SDK2: variants seen among roughly 807,000 people sequenced by gnomAD.
SDK2 encodes the protein sidekick cell adhesion molecule 2.
In SDK2, 105 loss-of-function variants were observed where a neutral mutation model predicts 253.9. The observed-to-expected ratio is 0.41, with a 90% CI of 0.35 to 0.49. The LOEUF (loss-of-function observed/expected upper bound fraction) is 0.49. Ranked by LOEUF, SDK2 falls within the 20% of genes least tolerant of loss-of-function variation. The probability of loss-of-function intolerance (pLI) is 0.06; values close to 1 mark genes in which losing one functional copy is unlikely to be tolerated. For synonymous variants in SDK2, 1,249 were observed against 1,234.9 expected (o/e 1.01, Z -0.24); for missense variants, 2,608 against 3,003.0 (o/e 0.87, Z 3.07).
rs533060815 is a variant in SDK2 at position 73,357,559 on chromosome 17, G to A, written c.5593+520C>T. 22 of 245,932 alleles carry A rather than the reference G, an allele frequency of 8.9e-5. 1 individual carries two copies. The South Asian group carries it at 9.0e-4, about 10-fold the overall frequency. The allele number at this position is 245,932 out of a possible 1,614,324, so 15.2% of individuals were successfully genotyped here. A position where few individuals can be genotyped will look rare whatever the true frequency, so the allele number is the denominator to read the frequency against. On this transcript the variant is annotated intron_variant, in intron 40 of 44. Coordinates refer to ENST00000392650, the MANE Select transcript of SDK2 (RefSeq NM_001144952.2). Reference sequence around the variant, plus strand: ...GGGTGTCAGGATGGGTGAAACCGGAGCAGTGGGGAGCAGCCCCCCGACTGA... The same window carrying A: ...GGGTGTCAGGATGGGTGAAACCGGAACAGTGGGGAGCAGCCCCCCGACTGA...
At chr17:73,561,276 C>T (rs1045388127) in intron 1 of SDK2, among the ~76,000 whole-genome samples, 1 of 152,216 alleles carries the variant, frequency 6.6e-6, no homozygotes, top group Admixed American at 6.5e-5. Flanking sequence ...ACCACCCACC[C>T]CACCTGCGGT....
chr17:73,494,159 T>C (rs2063825834), intron 2 of SDK2, among the ~76,000 whole-genome samples: 1 of 152,222 alleles, frequency 6.6e-6, no homozygotes, highest in African/African-American at 2.4e-5. Flanking sequence ...CACGCCAGGA[T>C]GCTGAGGAGC....
In SDK2 at chr17:73,361,752, C is replaced by T. The variant is rs993067545; in HGVS notation, c.5399G>A (p.Arg1800His). ...DLAEGVTYRF[R>H]IRAKTFTYGP... The stretch of plus-strand genomic sequence containing the variant: ...GTAGGTGAAGGTCTTGGCTCTGATG[C>T]GGAACCTGTAGGTCACCCCCTCCGC... Residue 1800 changes from arginine (R) to histidine (H), a missense_variant, in exon 39 of 45, where the codon CGC (arginine) becomes CAC (histidine). Around this residue, in one of 2 missense-constraint regions of SDK2, gnomAD observed 1,103 missense variants for 1,143.9 expected, o/e 0.96. Transcript: ENST00000392650. This position sits in a 1 kb window ranked among gnomAD's most constrained non-coding sequence, Gnocchi z 4.1. The T allele has an allele frequency of 4.3e-6, 7 of 1,613,518 alleles. No homozygotes were observed. The highest frequency in any genetic ancestry group is 1.6e-4 in the Middle Eastern group (1 of 6,080).
intron 4 of SDK2, among the ~76,000 whole-genome samples, chr17:73,452,872 T>G (rs914624117): frequency 1.2e-4 from 18 of 152,202 alleles, no homozygotes; most frequent in African/African-American, 4.3e-4. Flanking sequence ...CCAAAACCTG[T>G]GTGGAGAGCA....
At chr17:73,499,250 C>T (rs972269532) in intron 2 of SDK2, among the ~76,000 whole-genome samples, 3 of 152,260 alleles carry the variant, frequency 2.0e-5, no homozygotes, top group African/African-American at 4.8e-5. Context: ...AGTGGCTCCG[C>T]GTGCGTCCCC....
At chr17:73,569,549 C>T (rs548981584) in intron 1 of SDK2, among the ~76,000 whole-genome samples, 2 of 148,504 alleles carry the variant, frequency 1.3e-5, no homozygotes, top group Non-Finnish European at 3.0e-5. Flanking sequence ...ATTGGAATCA[C>T]GTGGTGAGGG....
intron 43 of SDK2, among the ~76,000 whole-genome samples, chr17:73,349,521 C>A (rs947341716): frequency 1.3e-5 from 2 of 152,122 alleles, no homozygotes; most frequent in African/African-American, 2.4e-5. Context: ...TCAGGTGGGC[C>A]CCAGCAGCTG....
intron 1 of SDK2, among the ~76,000 whole-genome samples, chr17:73,555,453 C>T (rs1054062530): frequency 6.6e-6 from 1 of 152,200 alleles, no homozygotes; most frequent in Non-Finnish European, 1.5e-5. Flanking sequence ...ATCCTCGTCT[C>T]TATGTACTGA....
intron 1 of SDK2, among the ~76,000 whole-genome samples, chr17:73,560,345 T>A (rs1286747532): frequency 6.6e-6 from 1 of 152,072 alleles, no homozygotes; most frequent in Non-Finnish European, 1.5e-5. Flanking sequence ...TTATTGTTTT[T>A]GTTTGTTTGT....
intron 26 of SDK2, 36 bp downstream of exon 26, chr17:73,394,173 T>G: frequency 7.4e-7 from 1 of 1,354,148 alleles, no homozygotes; most frequent in African/African-American, 1.4e-5. Context: ...GAGGGGCCAG[T>G]GTAGGGACCC....
At chr17:73,596,035 T>C (rs1035674206) in intron 1 of SDK2, among the ~76,000 whole-genome samples, 5 of 151,694 alleles carry the variant, frequency 3.3e-5, no homozygotes, top group African/African-American at 1.2e-4. Context: ...CCCAGTCTTA[T>C]GTCCCAGGCA....
At chr17:73,351,338 G>T (rs904301877) in intron 41 of SDK2, among the ~76,000 whole-genome samples, 2 of 152,156 alleles carry the variant, frequency 1.3e-5, no homozygotes, top group Middle Eastern at 3.2e-3. Flanking sequence ...TCTAACTCCT[G>T]ACCTCAGGTG....
At chr17:73,362,918 G>A (rs1241216861) in intron 38 of SDK2, among the ~76,000 whole-genome samples, 1 of 152,222 alleles carries the variant, frequency 6.6e-6, no homozygotes, top group East Asian at 1.9e-4. Context: ...CCAATAGGCT[G>A]GGCTCAGACC....
At chr17:73,468,123 T>C (rs2063616014) in intron 3 of SDK2, among the ~76,000 whole-genome samples, 1 of 151,998 alleles carries the variant, frequency 6.6e-6, no homozygotes, top group Non-Finnish European at 1.5e-5. Context: ...TGAGAGGTAG[T>C]GGAGGGGCAG....
chr17:73,524,649 GCTCT>G (rs899522735), intron 1 of SDK2, among the ~76,000 whole-genome samples: 3 of 152,206 alleles, frequency 2.0e-5, no homozygotes, highest in Non-Finnish European at 4.4e-5. Context: ...GCACCTCTGT[GCTCT>G]CTGTGTGTGA....
intron 2 of SDK2, among the ~76,000 whole-genome samples, chr17:73,494,553 C>A (rs188754802): frequency 6.6e-6 from 1 of 152,346 alleles, no homozygotes; most frequent in Non-Finnish European, 1.5e-5. Context: ...GTTTGAGAGA[C>A]TTTTGCATCT....
chr17:73,464,355 C>T (rs1044659704), intron 3 of SDK2, among the ~76,000 whole-genome samples: 1 of 152,302 alleles, frequency 6.6e-6, no homozygotes, highest in East Asian at 1.9e-4. Context: ...TGCACAAGCC[C>T]TCTTGCCTGC....
At chr17:73,393,242 C>CAAAAAAAA (rs11443969) in intron 27 of SDK2, among the ~76,000 whole-genome samples, 15 of 85,452 alleles carry the variant, frequency 1.8e-4, no homozygotes, top group East Asian at 3.5e-4. Flanking sequence ...GATACTCTAT[C>CAAAAAAAA]AAAAAAAAAA....
chr17:73,632,285 T>C (rs1253083404), intron 1 of SDK2, among the ~76,000 whole-genome samples: 1 of 152,210 alleles, frequency 6.6e-6, no homozygotes, highest in East Asian at 1.9e-4. Flanking sequence ...ACCCTCAGTC[T>C]GGGTGGGCAC....
Sources: allele counts gnomAD v4.1 joint callset (sites outside exome capture counted in the v4.1 genomes callset), GRCh38; gene constraint gnomAD v4.1.1; regional missense constraint gnomAD v4.1.1; non-coding constraint Gnocchi (gnomAD v3.1); transcripts MANE v1.5; gene names NCBI Gene and HGNC (gene_info 2026-07-23, HGNC 2026-07-21).